The following GMPPA variants were observed in gnomAD, a reference collection of about 807,000 sequenced individuals.
GMPPA encodes mannose-1-phosphate guanylyltransferase regulatory subunit alpha.
Under a neutral mutation model 58.6 loss-of-function variants are expected in GMPPA, and 46 were observed. The ratio of observed to expected loss-of-function variants is 0.78; its 90% CI spans 0.62 to 1.00. The LOEUF is 1.00. Among genes scored for constraint, GMPPA ranks in the 50% least tolerant of loss-of-function variants. The pLI is 0.00. For synonymous variants in GMPPA, 211 were observed against 214.9 expected (o/e 0.98, Z 0.16); for missense variants, 468 against 556.4 (o/e 0.84, Z 1.60).
At chr2:219,501,006 G>A (rs1453493880) in intron 3 of GMPPA, 1 of 157,176 alleles carries the variant, frequency 6.4e-6, no homozygotes, top group Non-Finnish European at 1.4e-5. Flanking sequence ...GATCGCTTGA[G>A]GCCAGGAGTT....
chr2:219,503,858 A>G (rs1694482588), intron 6 of GMPPA, among the ~76,000 whole-genome samples: 1 of 152,238 alleles, frequency 6.6e-6, no homozygotes, highest in South Asian at 2.1e-4. Flanking sequence ...AGGATCAGGC[A>G]GGGAAAGCCA....
At chr2:219,505,943 TC>T (rs1204012267) in intron 10 of GMPPA, 36 bp from the exon 11 acceptor site, 2 of 1,411,086 alleles carry the variant, frequency 1.4e-6, no homozygotes, top group Non-Finnish European at 1.9e-6. Context: ...ATCCTCCAAG[TC>T]CCTCCAGGGC....
In GMPPA at chr2:219,500,035, G is replaced by C. The variant is rs373938536; in HGVS notation, c.40+20G>C. The C allele has an allele frequency of 1.9e-6, 3 of 1,612,820 alleles. No homozygotes were observed. Among genetic ancestry groups the C allele is most frequent in the Non-Finnish European group, 1.7e-6 (2 of 1,178,836 alleles). ...AAAAGGGTGAGGTGCCAGGGGAATGGGGGGAGGAGGTTGGGCTGGAGTGGT... is the reference window on the plus strand; with the variant it reads ...AAAAGGGTGAGGTGCCAGGGGAATGCGGGGAGGAGGTTGGGCTGGAGTGGT... On this transcript the variant is annotated intron_variant, in intron 2 of 12. Coordinates refer to ENST00000313597, the MANE Select transcript of GMPPA (RefSeq NM_013335.4).
Position 219,506,977 on chromosome 2 carries a change from C to G in GMPPA, c.*179C>G. The G allele has an allele frequency of 1.7e-6, 1 of 604,868 alleles. No homozygotes were observed. The highest frequency in any genetic ancestry group is 3.0e-6 in the Non-Finnish European group (1 of 338,316). The allele number at this position is 604,868 out of a possible 1,614,324, so 37.5% of individuals were successfully genotyped here. A position where few individuals can be genotyped will look rare whatever the true frequency, so the allele number is the denominator to read the frequency against. On this transcript the variant is annotated 3_prime_UTR_variant, in exon 13 of 13. Transcript: ENST00000313597. ...TCCCTCCCGACTCCCTAATAAACCCCGTGAACCTTGGAGCCAGCACAGACT... is the reference window on the plus strand; with the variant it reads ...TCCCTCCCGACTCCCTAATAAACCCGGTGAACCTTGGAGCCAGCACAGACT...
chr2:219,506,583 G>A, intron 12 of GMPPA, 115 bp from the exon 13 acceptor site: 2 of 960,732 alleles, frequency 2.1e-6, no homozygotes, highest in South Asian at 3.0e-5. Context: ...CCGGGGGCAT[G>A]AGACCAGGGG....
intron 12 of GMPPA, 38 bp downstream of exon 12, chr2:219,506,460 C>T (rs1179240460): frequency 1.4e-5 from 22 of 1,576,496 alleles, no homozygotes; most frequent in Admixed American, 3.5e-5. Context: ...GGGAACCCCT[C>T]AGCTGATGGC....
chr2:219,505,077 G>A, intron 7 of GMPPA, 151 bp from the exon 8 acceptor site: 2 of 941,102 alleles, frequency 2.1e-6, no homozygotes, highest in Admixed American at 2.8e-5. Context: ...GATGTGAGCA[G>A]CCACATCCCA....
intron 7 of GMPPA, chr2:219,504,882 T>C: frequency 1.9e-5 from 21 of 1,123,610 alleles, no homozygotes; most frequent in Non-Finnish European, 2.3e-5. Context: ...AGTCTGTCTG[T>C]GTTTCATTCC....
Position 219,505,330 on chromosome 2 carries a change from T to A in GMPPA, c.723T>A (p.Thr241=). Residue 241 remains threonine, a synonymous_variant, in exon 8 of 13, where the codon ACT becomes ACA. Transcript: ENST00000313597. ...AGQGQIYVHL[T]DGIWSQIKSA... ...AGGGCCAGATATACGTGCATCTCAC[T>A]GATGGTATCTGGAGTCAGATCAAGT... 6.2e-7 allele frequency: 1 copy of A among 1,613,978 alleles called. No homozygotes were observed. Among genetic ancestry groups the A allele is most frequent in the Non-Finnish European group, 8.5e-7 (1 of 1,179,988 alleles).
At chr2:219,501,102 T>C (rs1227800059) in intron 3 of GMPPA, 1 of 182,430 alleles carries the variant, frequency 5.5e-6, no homozygotes, top group African/African-American at 2.4e-5. Flanking sequence ...GCTGTAGTCC[T>C]AGCTGCTCTA....
Position 219,506,828 on chromosome 2 carries a change from A to G in GMPPA, c.*30A>G, listed in dbSNP as rs769715892. On this transcript the variant is annotated 3_prime_UTR_variant, in exon 13 of 13. Transcript: ENST00000313597. ...GGCTGCCAGAAGGCCCCCAGCTCCT[A>G]CCCACTCCCCTTGAGGCTGCTGCCT... 9.7e-7 allele frequency: 1 copy of G among 1,032,112 alleles called. No individual in the cohort carries two copies. The allele number at this position is 1,032,112 out of a possible 1,614,324, so 63.9% of individuals were successfully genotyped here.
In GMPPA at chr2:219,501,502, C is replaced by T. The variant is rs762643487; in HGVS notation, c.165C>T (p.Leu55=). The T allele has an allele frequency of 3.1e-6, 5 of 1,610,312 alleles. No homozygotes were observed. In the South Asian group the frequency reaches 5.5e-5, roughly 18 times the overall value. ...TCCCTGGAATGCAGGAGATTCTGCT[C>T]ATTGGCTTCTACCAACCTGATGAGC... ...AQVPGMQEIL[L]IGFYQPDEPL... Residue 55 remains leucine (L), a synonymous_variant, in exon 4 of 13, where the codon CTC becomes CTT. Transcript: ENST00000313597.
rs772205839 is a variant in GMPPA at position 219,499,512 on chromosome 2, C to G, written c.-20-444C>G. Among the ~76,000 whole-genome samples the G allele has an allele frequency of 1.2e-4, 18 of 152,312 alleles. No individual in the cohort carries two copies. The South Asian group carries it at 1.2e-3, about 11-fold the overall frequency. On this transcript the variant is annotated intron_variant, in intron 1 of 12. Coordinates refer to ENST00000313597, the MANE Select transcript of GMPPA (RefSeq NM_013335.4). ...TGAGGTTTGGGTCTGAGAAGGGAGT[C>G]TCTGCCAGGTTTCTGAATTTGCAGA... is the stretch of plus-strand genomic sequence containing the variant.
At chr2:219,501,767 G>A (rs757449901) in intron 4 of GMPPA, 84 bp from the exon 5 acceptor site, 11 of 1,224,798 alleles carry the variant, frequency 9.0e-6, no homozygotes, top group South Asian at 1.3e-5. Context: ...AGTCCTGGGA[G>A]CAAGCGGTGG....
rs767718283 is a variant in GMPPA, at chr2:219,501,858, C to A, written c.250C>A (p.Gln84Lys). Residue 84 changes from glutamine to lysine, a missense_variant, in exon 5 of 13, where the codon CAG becomes AAG. Gln to Lys is a moderately conservative substitution (Grantham distance 53, BLOSUM62 1). Coordinates refer to ENST00000313597, the MANE Select transcript of GMPPA (RefSeq NM_013335.4). ...QEFNLPVRYL[Q>K]EFAPLGTGGG... ...TCGGGTCCCTGGGGACAGGTACCTG[C>A]AGGAATTTGCCCCCCTAGGCACAGG... 4.6e-5 allele frequency: 74 copies of A among 1,613,860 alleles called. No homozygotes were observed. Among genetic ancestry groups the A allele is most frequent in the Non-Finnish European group, 5.9e-5 (70 of 1,179,862 alleles).
Position 219,506,780 on chromosome 2 carries a change from C to A in GMPPA, c.1245C>A (p.Thr415=). The A allele has an allele frequency of 1.3e-6, 2 of 1,553,358 alleles. No individual in the cohort carries two copies. Among genetic ancestry groups the A allele is most frequent in the African/African-American group, 1.4e-5 (1 of 73,764 alleles). Residue 415 remains threonine, a synonymous_variant, in exon 13 of 13, where the codon ACC becomes ACA. Transcript: ENST00000313597. ...LPHKELSRSF[T]NQIIL ...ACAAGGAGCTGAGCCGAAGCTTCAC[C>A]AACCAGATCATCCTCTGAGTAGGGC...
chr2:219,504,867 G>C, intron 7 of GMPPA: 1 of 1,102,798 alleles, frequency 9.1e-7, no homozygotes, highest in Non-Finnish European at 1.1e-6. Context: ...CCTTGCTCTG[G>C]GGTGAGTCTG....
rs759082344 is a variant in GMPPA, at chr2:219,500,202, T to C, written c.122T>C (p.Ile41Thr). 1 of 1,569,822 alleles carries C rather than the reference T, an allele frequency of 6.4e-7. No individual in the cohort carries two copies. The highest frequency in any genetic ancestry group is 2.3e-5 in the East Asian group (1 of 43,634). Reference sequence around the variant, plus strand: ...GGGGTCCCTATGATCCAACACCATATTGAAGCCTGTGCCCAGGTAACCTCA... The same window carrying C: ...GGGGTCCCTATGATCCAACACCATACTGAAGCCTGTGCCCAGGTAACCTCA... ...VAGVPMIQHH[I>T]EACAQVPGMQ... Residue 41 changes from isoleucine to threonine, a missense_variant, in exon 3 of 13, where the codon ATT (isoleucine) becomes ACT (threonine). By Grantham distance (89) the Ile-to-Thr change is moderately conservative. Transcript: ENST00000313597.
At chr2:219,505,681 A>T (rs1425592680) in intron 9 of GMPPA, 34 bp from the exon 10 acceptor site, 2 of 1,611,976 alleles carry the variant, frequency 1.2e-6, no homozygotes, top group Middle Eastern at 1.7e-4. Flanking sequence ...TCGGTTTGGG[A>T]TATTTGCCCC....
Sources: allele counts gnomAD v4.1 joint callset (sites outside exome capture counted in the v4.1 genomes callset), GRCh38; gene constraint gnomAD v4.1.1; transcripts MANE v1.5; gene names NCBI Gene and HGNC (gene_info 2026-07-23, HGNC 2026-07-21).